The following SSBP2 variants were observed in gnomAD, a reference collection of about 807,000 sequenced individuals.
The protein encoded by SSBP2 is single-stranded DNA-binding protein 2.
SSBP2 carries 17 observed loss-of-function variants against 61.8 expected under a neutral mutation model. The observed-to-expected ratio is 0.28, with a 90% CI of 0.19 to 0.41. The LOEUF is 0.41. SSBP2 is among the 10% of genes least tolerant of loss of function. SSBP2 has a pLI of 1.00. For synonymous variants in SSBP2, 139 were observed against 141.3 expected, an observed-to-expected ratio of 0.98 and a Z score of 0.12; for missense variants, 310 against 458.7, an observed-to-expected ratio of 0.68 and a Z score of 2.96.
chr5:81,639,448 T>G (rs78867768), intron 2 of SSBP2, among the ~76,000 whole-genome samples: 3,580 of 152,138 alleles, frequency 0.024, 151 homozygotes, highest in African/African-American at 0.083. Context: ...TTAGGGAAAT[T>G]ACACCTCAGT....
intron 1 of SSBP2, among the ~76,000 whole-genome samples, chr5:81,745,361 C>T (rs1449296447): frequency 6.6e-6 from 1 of 152,042 alleles, no homozygotes; most frequent in African/African-American, 2.4e-5. Flanking sequence ...GTTAACAAAA[C>T]CTTGCATGAA....
intron 6 of SSBP2, among the ~76,000 whole-genome samples, chr5:81,487,910 T>C (rs1206137976): frequency 1.3e-5 from 2 of 150,020 alleles, no homozygotes; most frequent in African/African-American, 2.4e-5. Flanking sequence ...GATCATGCAA[T>C]ATTTTTCTTT....
intron 6 of SSBP2, among the ~76,000 whole-genome samples, chr5:81,475,780 A>T (rs1409185450): frequency 6.6e-6 from 1 of 152,148 alleles, no homozygotes; most frequent in Non-Finnish European, 1.5e-5. Flanking sequence ...ATCACTTCCT[A>T]ACAAAATTAT....
At chr5:81,457,181 G>A (rs974152519) in intron 10 of SSBP2, among the ~76,000 whole-genome samples, 1 of 152,134 alleles carries the variant, frequency 6.6e-6, no homozygotes, top group African/African-American at 2.4e-5. Context: ...GAGCTTCAAT[G>A]TGCTCAGAGA....
intron 3 of SSBP2, among the ~76,000 whole-genome samples, chr5:81,633,108 CTTTTTTTTTTTTTTT>C (rs143423636): frequency 3.1e-5 from 2 of 64,830 alleles, no homozygotes; most frequent in Non-Finnish European, 2.6e-5. Context: ...GAGCCTCTGT[CTTTTTTTTTTTTTTT>C]TTTTTTTTTT....
At chr5:81,460,768 T>C (rs900379128) in intron 10 of SSBP2, among the ~76,000 whole-genome samples, 2 of 152,202 alleles carry the variant, frequency 1.3e-5, no homozygotes, top group Non-Finnish European at 2.9e-5. Flanking sequence ...TCACTATTTA[T>C]AGGCTATTGT....
intron 10 of SSBP2, among the ~76,000 whole-genome samples, chr5:81,458,321 G>A (rs1764306419): frequency 6.6e-6 from 1 of 152,118 alleles, no homozygotes; most frequent in African/African-American, 2.4e-5. Context: ...TCATTTTACT[G>A]GGGTTATAAA....
chr5:81,658,998 T>A (rs563044516), intron 1 of SSBP2, among the ~76,000 whole-genome samples: 76 of 152,148 alleles, frequency 5.0e-4, no homozygotes, highest in Non-Finnish European at 1.0e-3. Flanking sequence ...ATAAACTAGG[T>A]ATTGATGGAA....
intron 10 of SSBP2, among the ~76,000 whole-genome samples, chr5:81,454,883 C>T (rs1764026772): frequency 6.6e-6 from 1 of 151,908 alleles, no homozygotes; most frequent in African/African-American, 2.4e-5. Flanking sequence ...TCTTCTTCTC[C>T]TCTGTAAAAT....
intron 1 of SSBP2, among the ~76,000 whole-genome samples, chr5:81,729,612 T>G (rs1172021586): frequency 6.6e-6 from 1 of 152,178 alleles, no homozygotes; most frequent in Non-Finnish European, 1.5e-5. Context: ...CTTAAAGGCT[T>G]ACTCTCATAG....
rs114480992 is a variant in SSBP2 at position 81,491,963 on chromosome 5, G to A, written c.373-2654C>T. On this transcript the variant is annotated intron_variant, in intron 5 of 16. Transcript: ENST00000320672. The stretch of plus-strand genomic sequence containing the variant: ...TCAACTGCCTAGTGAATTAGCTTGC[G>A]TAGACACAGCAACAGAATCTAAAAG... Among the ~76,000 whole-genome samples, 910 of 152,220 alleles carry A rather than the reference G, an allele frequency of 6.0e-3. 9 individuals are homozygous for A. The highest frequency in any genetic ancestry group is 0.021 in the African/African-American group (855 of 41,524).
intron 4 of SSBP2, among the ~76,000 whole-genome samples, chr5:81,600,656 C>A (rs146441501): frequency 2.6e-4 from 39 of 148,608 alleles, no homozygotes; most frequent in African/African-American, 9.1e-4. Flanking sequence ...AATTCAGAAT[C>A]ATAAGAAAAA....
rs867585185 is a variant in SSBP2 at position 81,546,977 on chromosome 5, T to C, written c.283-33260A>G. On this transcript the variant is annotated intron_variant, in intron 4 of 16. Coordinates refer to ENST00000320672, the MANE Select transcript of SSBP2 (RefSeq NM_012446.5). ...CGAGAACAATGATTGTTAAAAGTTT[T>C]CACCAAGACTAATCATCATTCATAG... Among the ~76,000 whole-genome samples the C allele has an allele frequency of 7.2e-5, 10 of 137,978 alleles. No individual in the cohort carries two copies. The South Asian group carries it at 1.6e-3, about 22-fold the overall frequency. The allele number at this position is 137,978 out of a possible 152,430, so 90.5% of individuals were successfully genotyped here. A position where few individuals can be genotyped will look rare whatever the true frequency, so the allele number is the denominator to read the frequency against.
chr5:81,456,667 C>T (rs1024559201), intron 10 of SSBP2, among the ~76,000 whole-genome samples: 4 of 151,740 alleles, frequency 2.6e-5, no homozygotes, highest in Non-Finnish European at 5.9e-5. Flanking sequence ...GAGACCAATA[C>T]TGTAATGCTC....
At chr5:81,742,208 AAC>A (rs1404732826) in intron 1 of SSBP2, among the ~76,000 whole-genome samples, 2 of 152,238 alleles carry the variant, frequency 1.3e-5, no homozygotes, top group Non-Finnish European at 2.9e-5. Flanking sequence ...TATTAAATTT[AAC>A]ACAAAGAAAA....
intron 4 of SSBP2, 166 bp downstream of exon 4, chr5:81,615,307 T>C (rs1019987657): frequency 3.8e-5 from 24 of 629,226 alleles, no homozygotes; most frequent in Non-Finnish European, 3.4e-5. Context: ...CAAATGCCCC[T>C]TTCTATTTCA....
intron 3 of SSBP2, among the ~76,000 whole-genome samples, chr5:81,629,652 T>C (rs569122812): frequency 5.8e-4 from 89 of 152,334 alleles, no homozygotes; most frequent in African/African-American, 2.0e-3. Context: ...TGCTCCTGTG[T>C]TGCTATTATA....
intron 6 of SSBP2, among the ~76,000 whole-genome samples, chr5:81,483,579 T>G (rs1766157475): frequency 1.3e-5 from 2 of 152,094 alleles, no homozygotes; most frequent in East Asian, 3.9e-4. Flanking sequence ...CCAGAAAGTC[T>G]AAGCGACTTG....
At chr5:81,628,427 T>C (rs1304279847) in intron 3 of SSBP2, among the ~76,000 whole-genome samples, 5 of 152,144 alleles carry the variant, frequency 3.3e-5, no homozygotes, top group Non-Finnish European at 7.3e-5. Flanking sequence ...CCAAACTATA[T>C]CAAGAGATAT....
Sources: allele counts gnomAD v4.1 joint callset (sites outside exome capture counted in the v4.1 genomes callset), GRCh38; gene constraint gnomAD v4.1.1; transcripts MANE v1.5; gene names NCBI Gene and HGNC (gene_info 2026-07-23, HGNC 2026-07-21).